Variants in PLB1 observed in about 807,000 individuals in gnomAD.
The protein encoded by PLB1 is phospholipase B1, membrane-associated.
A neutral mutation model predicts 227.4 loss-of-function variants in PLB1; 242 were observed. The ratio of observed to expected loss-of-function variants is 1.06; its 90% CI spans 0.96 to 1.18. The LOEUF is 1.18. Ranked by LOEUF, PLB1 falls within the 50% of genes most tolerant of loss-of-function variation. PLB1 has a pLI of 0.00. For synonymous variants in PLB1, 757 were observed against 682.2 expected, an observed-to-expected ratio of 1.11 and a Z score of -1.71; for missense variants, 1,858 against 1,816.3, an observed-to-expected ratio of 1.02 and a Z score of -0.42.
rs576000014 is a variant in PLB1, at chr2:28,531,591, A to G, written c.469-517A>G. 3.2e-4 allele frequency among the ~76,000 whole-genome samples: 48 copies of G among 152,360 alleles called. No homozygotes were observed. The South Asian group carries it at 9.5e-3, about 30-fold the overall frequency. ...CTCCCAAAGTGCTGGGATTACAGGC[A>G]TGAACCACTGCACCCAGCCAGAGAT... is the stretch of plus-strand genomic sequence containing the variant. On this transcript the variant is annotated intron_variant, in intron 8 of 57. Coordinates refer to ENST00000327757, the MANE Select transcript of PLB1 (RefSeq NM_153021.5).
intron 1 of PLB1, among the ~76,000 whole-genome samples, chr2:28,496,384 G>A (rs546451137): frequency 5.3e-5 from 8 of 152,282 alleles, no homozygotes; most frequent in Non-Finnish European, 1.2e-4. Flanking sequence ...TGCCGGGAGC[G>A]AGGCAGATCT....
chr2:28,550,142 T>A, intron 16 of PLB1, 58 bp downstream of exon 16: 1 of 1,355,746 alleles, frequency 7.4e-7, no homozygotes, highest in Non-Finnish European at 1.0e-6. Flanking sequence ...GCTGTACTTC[T>A]TGCTGAATCT....
intron 35 of PLB1, among the ~76,000 whole-genome samples, chr2:28,600,394 AG>A (rs760764072): frequency 3.9e-5 from 6 of 152,220 alleles, no homozygotes; most frequent in Non-Finnish European, 8.8e-5. Context: ...ATTATGTTTG[AG>A]CATCAAACTC....
At chr2:28,518,863 C>G (rs1290371696) in intron 3 of PLB1, among the ~76,000 whole-genome samples, 1 of 152,156 alleles carries the variant, frequency 6.6e-6, no homozygotes, top group Non-Finnish European at 1.5e-5. Flanking sequence ...CCACAATGGG[C>G]TGGGTTTGTC....
rs900694446 is a variant in PLB1 at position 28,578,051 on chromosome 2, A to G, written c.1434-56A>G. ...ACATTTGATTGCTGTTCTCTCTGCT[A>G]AGGGCCCCTGCCAGTCCCCACTCCT... On this transcript the variant is annotated intron_variant, in intron 21 of 57. Transcript: ENST00000327757. 3.9e-6 allele frequency: 6 copies of G among 1,544,148 alleles called. No homozygotes were observed. The Admixed American group carries it at 1.0e-4, about 26-fold the overall frequency.
rs181825747 is a variant in PLB1, at chr2:28,498,702, T to C, written c.55+2533T>C. Among the ~76,000 whole-genome samples, 333 of 152,370 alleles carry C rather than the reference T, an allele frequency of 2.2e-3. 1 individual carries two copies. Among genetic ancestry groups the C allele is most frequent in the African/African-American group, 7.5e-3 (312 of 41,592 alleles). ...TTTCTATCTGTGTCAGTTCTCTTTT[T>C]TGCTCTATTAGTCCTTATCTATCTC... On this transcript the variant is annotated intron_variant, in intron 1 of 57. Transcript: ENST00000327757.
chr2:28,602,596 C>A (rs370795146), intron 38 of PLB1, among the ~76,000 whole-genome samples: 16 of 152,198 alleles, frequency 1.1e-4, no homozygotes, highest in African/African-American at 3.9e-4. Flanking sequence ...TTGTCCCACT[C>A]CAGGAGGTGC....
intron 33 of PLB1, among the ~76,000 whole-genome samples, chr2:28,596,765 A>G (rs1266980989): frequency 1.3e-5 from 2 of 152,218 alleles, no homozygotes; most frequent in Non-Finnish European, 2.9e-5. Flanking sequence ...AACTGAGTGA[A>G]GGAGAAGGGT....
chr2:28,624,274 T>C (rs1487570878), intron 49 of PLB1, among the ~76,000 whole-genome samples: 1 of 152,222 alleles, frequency 6.6e-6, no homozygotes, highest in Non-Finnish European at 1.5e-5. Context: ...CACAATAGAT[T>C]AGTTTGCATT....
intron 35 of PLB1, 143 bp downstream of exon 35, chr2:28,598,903 C>A (rs1683416427): frequency 2.8e-6 from 2 of 706,938 alleles, no homozygotes; most frequent in Admixed American, 2.2e-5. Context: ...CCCTGCTGCC[C>A]CTGTGACGAA....
intron 21 of PLB1, among the ~76,000 whole-genome samples, chr2:28,576,399 G>C (rs1191571056): frequency 6.6e-6 from 1 of 152,160 alleles, no homozygotes; most frequent in Admixed American, 6.5e-5. Flanking sequence ...GAGATGAACA[G>C]AGCAAAACGT....
At chr2:28,567,569 G>GT (rs1221094853) in intron 20 of PLB1, among the ~76,000 whole-genome samples, 1 of 141,506 alleles carries the variant, frequency 7.1e-6, no homozygotes, top group Non-Finnish European at 1.5e-5. Flanking sequence ...CGCCTCCCTG[G>GT]TTCAAGCGAT....
chr2:28,607,984 G>A (rs1684920125), intron 43 of PLB1, among the ~76,000 whole-genome samples: 1 of 152,076 alleles, frequency 6.6e-6, no homozygotes, highest in South Asian at 2.1e-4. Flanking sequence ...TGTCACCCTG[G>A]GCTTCGAGGC....
chr2:28,541,167 G>A (rs958261313), intron 12 of PLB1, among the ~76,000 whole-genome samples: 17 of 118,566 alleles, frequency 1.4e-4, no homozygotes, highest in Admixed American at 9.6e-4. Flanking sequence ...GCGAGACTCC[G>A]TCTCAAAAAT....
chr2:28,602,803 C>T lies in PLB1; in HGVS notation c.2674-18C>T, dbSNP rs146902208. 1 of 1,610,202 alleles carries T rather than the reference C, an allele frequency of 6.2e-7. No homozygotes were observed. Among genetic ancestry groups the T allele is most frequent in the East Asian group, 2.2e-5 (1 of 44,858 alleles). On this transcript the variant is annotated intron_variant, in intron 38 of 57. Transcript: ENST00000327757. Reference sequence around the variant, plus strand: ...GAAGTGCCTGGAGCCCCCCTCTCATCTGCAGCTTTTCCCTTAGGTGCCCAG... The same window carrying T: ...GAAGTGCCTGGAGCCCCCCTCTCATTTGCAGCTTTTCCCTTAGGTGCCCAG...
intron 30 of PLB1, 76 bp from the exon 31 acceptor site, chr2:28,591,624 C>A: frequency 6.8e-7 from 1 of 1,466,958 alleles, no homozygotes; most frequent in Non-Finnish European, 9.5e-7. Flanking sequence ...TTTCAAAGTT[C>A]TTGGGGTACA....
In PLB1 at chr2:28,620,288, C is replaced by T; in HGVS notation, c.3339C>T (p.Asn1113=). ...AGACAGCAGTGGGAGCTCGACCAAA[C>T]AACTCCAGTGACCTACCCACATCTT... is the stretch of plus-strand genomic sequence containing the variant. ...SLTTAVGARP[N]NSSDLPTSWR... Residue 1113 remains asparagine (N), a synonymous_variant, in exon 47 of 58, where the codon AAC becomes AAT. Transcript: ENST00000327757. 3.1e-6 allele frequency: 5 copies of T among 1,605,908 alleles called. No individual in the cohort carries two copies. Among genetic ancestry groups the T allele is most frequent in the Non-Finnish European group, 4.3e-6 (5 of 1,175,248 alleles).
intron 27 of PLB1, 37 bp from the exon 28 acceptor site, chr2:28,589,638 G>A: frequency 6.2e-7 from 1 of 1,607,604 alleles, no homozygotes; most frequent in Non-Finnish European, 8.5e-7. Context: ...GATCCAGTGT[G>A]TCTATAACTG....
At chr2:28,504,988 T>C (rs1387525891) in intron 1 of PLB1, among the ~76,000 whole-genome samples, 1 of 152,222 alleles carries the variant, frequency 6.6e-6, no homozygotes, top group Non-Finnish European at 1.5e-5. Flanking sequence ...TCAGAGAAGA[T>C]ATAAGTGTTC....
Sources: gnomAD v4.1 joint callset for allele counts (sites outside exome capture counted in the v4.1 genomes callset) on GRCh38, gnomAD v4.1.1 for gene constraint, MANE v1.5 for transcripts, NCBI Gene and HGNC (gene_info 2026-07-23, HGNC 2026-07-21) for gene names.